The following RASSF8 variants were observed in gnomAD, a reference collection of about 807,000 sequenced individuals.
RASSF8 encodes Ras association domain family member 8.
In RASSF8, 22 loss-of-function variants were observed where a neutral mutation model predicts 48.5. That is an observed-to-expected ratio of 0.45 (90% CI 0.32 to 0.65). The LOEUF (loss-of-function observed/expected upper bound fraction) is 0.65, where lower values mean the gene tolerates loss of function less well. Ranked by LOEUF, RASSF8 falls within the 30% of genes least tolerant of loss-of-function variation. The pLI is 0.03. For missense variants in RASSF8, 418 were observed against 489.2 expected (o/e 0.85, Z 1.37); for synonymous variants, 127 against 171.5 (o/e 0.74, Z 2.03).
intron 3 of RASSF8, among the ~76,000 whole-genome samples, chr12:26,058,758 A>G (rs1031170701): frequency 7.9e-5 from 12 of 152,274 alleles, no homozygotes; most frequent in Admixed American, 2.0e-4. Flanking sequence ...AGCTAGAAAC[A>G]ACATAGTTTG....
At chr12:26,005,974 G>T (rs548913806) in intron 2 of RASSF8, among the ~76,000 whole-genome samples, 1 of 152,078 alleles carries the variant, frequency 6.6e-6, no homozygotes, top group Non-Finnish European at 1.5e-5. Flanking sequence ...TGTAGTCTTC[G>T]GTTTTGCCCT....
intron 2 of RASSF8, among the ~76,000 whole-genome samples, chr12:26,016,984 G>C (rs1180015054): frequency 6.6e-6 from 1 of 151,754 alleles, no homozygotes; most frequent in South Asian, 2.1e-4. Context: ...AAATTTATTT[G>C]CTTCATGTTT....
At position 26,069,650 on chromosome 12, in the gene RASSF8, A is replaced by G. The variant is rs776137386; in HGVS notation, c.*832A>G. 5 of 985,406 alleles carry G rather than the reference A, an allele frequency of 5.1e-6. No individual in the cohort carries two copies. The highest frequency in any genetic ancestry group is 6.0e-6 in the Non-Finnish European group (5 of 829,924). The allele number at this position is 985,406 out of a possible 1,614,324, so 61.0% of individuals were successfully genotyped here. A position where few individuals can be genotyped will look rare whatever the true frequency, so the allele number is the denominator to read the frequency against. ...GTTTCTGCCCTGTCTTATCATTTAC[A>G]CTCATGGATCTTCAGAATTAATCTA... On this transcript the variant is annotated 3_prime_UTR_variant, in exon 6 of 6. Transcript: ENST00000689635.
intron 2 of RASSF8, among the ~76,000 whole-genome samples, chr12:25,996,868 AT>A (rs1339158696): frequency 6.6e-6 from 1 of 152,208 alleles, no homozygotes; most frequent in Non-Finnish European, 1.5e-5. Context: ...ACCTTTCTGA[AT>A]GAAACATCCA....
chr12:26,053,413 A>G (rs1943535986), intron 2 of RASSF8, among the ~76,000 whole-genome samples: 1 of 152,234 alleles, frequency 6.6e-6, no homozygotes, highest in Non-Finnish European at 1.5e-5. Context: ...CCCAAGAAAG[A>G]ATAAAACATA....
chr12:25,999,876 C>G (rs1199875880), intron 2 of RASSF8, among the ~76,000 whole-genome samples: 1 of 152,094 alleles, frequency 6.6e-6, no homozygotes, highest in African/African-American at 2.4e-5. Flanking sequence ...AGGGATTAAA[C>G]TCGGTAAGAA....
intron 5 of RASSF8, chr12:26,078,892 G>C (rs11048403): frequency 0.11 from 65,285 of 605,910 alleles, 4,281 homozygotes; most frequent in Non-Finnish European, 0.13. Flanking sequence ...TTTCTAGAAG[G>C]TTCTCAAAAA....
chr12:25,974,225 T>A (rs371883997), intron 1 of RASSF8, among the ~76,000 whole-genome samples: 62 of 150,588 alleles, frequency 4.1e-4, no homozygotes, highest in Middle Eastern at 3.4e-3. Context: ...ATTAAACTGA[T>A]TTTTCCTGAT....
At chr12:26,038,506 G>A (rs1462639623) in intron 2 of RASSF8, among the ~76,000 whole-genome samples, 1 of 151,626 alleles carries the variant, frequency 6.6e-6, no homozygotes, top group African/African-American at 2.4e-5. Context: ...TGTTACCCAG[G>A]GCACATTTGA....
chr12:26,041,171 C>A (rs1179374838), intron 2 of RASSF8, among the ~76,000 whole-genome samples: 1 of 152,072 alleles, frequency 6.6e-6, no homozygotes, highest in Non-Finnish European at 1.5e-5. Context: ...GGATTACAGG[C>A]GTGAGCCACC....
At chr12:26,049,942 G>A (rs779245052) in intron 2 of RASSF8, among the ~76,000 whole-genome samples, 9 of 152,040 alleles carry the variant, frequency 5.9e-5, no homozygotes, top group Non-Finnish European at 1.3e-4. Flanking sequence ...CCGCCACCAC[G>A]CCCGGCTAAT....
intron 2 of RASSF8, among the ~76,000 whole-genome samples, chr12:26,008,096 A>T (rs1565615741): frequency 6.6e-6 from 1 of 152,030 alleles, no homozygotes; most frequent in Non-Finnish European, 1.5e-5. Flanking sequence ...ACATGGTGAA[A>T]CCCTGTCTGT....
intron 1 of RASSF8, among the ~76,000 whole-genome samples, chr12:25,983,709 A>G (rs1014431341): frequency 5.3e-5 from 8 of 152,212 alleles, no homozygotes; most frequent in Non-Finnish European, 1.2e-4. Flanking sequence ...AAAAAAAACA[A>G]AAAAGCTGGA....
Position 26,071,475 on chromosome 12 carries a change from C to A in RASSF8, c.*2657C>A, listed in dbSNP as rs373280301. 11 of 952,932 alleles carry A rather than the reference C, an allele frequency of 1.2e-5. No homozygotes were observed. The highest frequency in any genetic ancestry group is 1.4e-5 in the Non-Finnish European group (11 of 800,536). The allele number at this position is 952,932 out of a possible 1,614,324, so 59.0% of individuals were successfully genotyped here. A position where few individuals can be genotyped will look rare whatever the true frequency, so the allele number is the denominator to read the frequency against. On this transcript the variant is annotated 3_prime_UTR_variant, in exon 6 of 6. Transcript: ENST00000689635. ...ACAAGTATTAAATACATTTAAAGAT[C>A]TTTTTATCTTACCAAGAAATAATTT...
At chr12:26,038,860 T>A (rs1943206951) in intron 2 of RASSF8, among the ~76,000 whole-genome samples, 1 of 152,242 alleles carries the variant, frequency 6.6e-6, no homozygotes, top group African/African-American at 2.4e-5. Flanking sequence ...ATCATTCAGG[T>A]CTGTGTCAGT....
downstream of RASSF8, among the ~76,000 whole-genome samples, chr12:26,076,600 CT>C (rs71435690): frequency 0.31 from 46,498 of 152,022 alleles, 8,373 homozygotes; most frequent in Non-Finnish European, 0.4. Flanking sequence ...TCAACTCATC[CT>C]TTTTTTATGG....
Position 26,070,322 on chromosome 12 carries a change from T to C in RASSF8, c.*1504T>C. On this transcript the variant is annotated 3_prime_UTR_variant, in exon 6 of 6. Coordinates refer to ENST00000689635, the MANE Select transcript of RASSF8 (RefSeq NM_001394098.1). ...ACTTTGGTTTAGTGAATGCTGACAA[T>C]GCTGCTCTACTTAGGTTTCCTATGA... The C allele has an allele frequency of 4.1e-6, 4 of 985,412 alleles. No homozygotes were observed. Among genetic ancestry groups the C allele is most frequent in the Non-Finnish European group, 4.8e-6 (4 of 829,898 alleles). 61.0% of individuals were successfully genotyped at this position (985,412 alleles called of 1,614,324 possible).
chr12:26,060,351 A>G (rs1943714921), intron 3 of RASSF8, among the ~76,000 whole-genome samples: 1 of 152,120 alleles, frequency 6.6e-6, no homozygotes, highest in Non-Finnish European at 1.5e-5. Context: ...TTCAGAGATA[A>G]TTTTTTATTG....
chr12:26,074,294 C>T (rs958013775), downstream of RASSF8, among the ~76,000 whole-genome samples: 4 of 151,966 alleles, frequency 2.6e-5, no homozygotes, highest in African/African-American at 9.7e-5. Context: ...TTAGTGAGCC[C>T]CTGTTTTTGT....
Sources: allele counts gnomAD v4.1 joint callset (sites outside exome capture counted in the v4.1 genomes callset), GRCh38; gene constraint gnomAD v4.1.1; transcripts MANE v1.5; gene names NCBI Gene and HGNC (gene_info 2026-07-23, HGNC 2026-07-21).